SAMD12: variants seen among roughly 807,000 people sequenced by gnomAD.
The protein encoded by SAMD12 is sterile alpha motif domain-containing protein 12.
Under a neutral mutation model 15.0 loss-of-function variants are expected in SAMD12, and 9 were observed. The ratio of observed to expected loss-of-function variants is 0.60; its 90% CI spans 0.36 to 1.05. SAMD12 has a LOEUF of 1.05. Among genes scored for constraint, SAMD12 ranks in the 50% least tolerant of loss-of-function variants. SAMD12 has a pLI of 0.01. For synonymous variants in SAMD12, 86 were observed against 90.1 expected (o/e 0.96, Z 0.25); for missense variants, 230 against 234.2 (o/e 0.98, Z 0.12).
At chr8:118,456,891 T>A (rs1337594805) in intron 2 of SAMD12, among the ~76,000 whole-genome samples, 1 of 152,210 alleles carries the variant, frequency 6.6e-6, no homozygotes, top group Admixed American at 6.5e-5. Context: ...CATCACACAC[T>A]CAGCCTGACT....
At chr8:118,537,835 T>C (rs1009536890) in intron 2 of SAMD12, among the ~76,000 whole-genome samples, 3 of 152,206 alleles carry the variant, frequency 2.0e-5, no homozygotes, top group Admixed American at 6.5e-5. Flanking sequence ...GTTGAGGTAA[T>C]GTTTTCCTGG....
chr8:118,252,459 C>G (rs567934417), intron 4 of SAMD12, among the ~76,000 whole-genome samples: 56 of 151,694 alleles, frequency 3.7e-4, no homozygotes, highest in African/African-American at 1.3e-3. Context: ...GGAGGAGCAC[C>G]TTATCATCTT....
At chr8:118,548,392 C>T (rs1586807627) in intron 2 of SAMD12, among the ~76,000 whole-genome samples, 1 of 127,818 alleles carries the variant, frequency 7.8e-6, no homozygotes, top group Admixed American at 8.0e-5. Context: ...CATACACACA[C>T]ACACACACAC....
At chr8:118,596,384 GATCTGAAAC>G (rs1369098250) in intron 1 of SAMD12, among the ~76,000 whole-genome samples, 2 of 152,298 alleles carry the variant, frequency 1.3e-5, no homozygotes, top group East Asian at 3.9e-4. Flanking sequence ...GCAGAGGCAG[GATCTGAAAC>G]ATCTGAAACA....
rs1294580185 is a variant in SAMD12 at position 118,556,873 on chromosome 8, A to T, written c.192+23842T>A. On this transcript the variant is annotated intron_variant, in intron 2 of 3. Transcript: ENST00000314727. ...CAACTACTTGGGAGGATGAGGCAGG[A>T]GAATCACTTGAGCCTGGGATGCAGA... 3.9e-5 allele frequency among the ~76,000 whole-genome samples: 6 copies of T among 152,088 alleles called. No homozygotes were observed. In the East Asian group the frequency reaches 1.2e-3, roughly 29 times the overall value.
At chr8:118,372,712 T>A (rs1320978536) in intron 4 of SAMD12, among the ~76,000 whole-genome samples, 1 of 152,026 alleles carries the variant, frequency 6.6e-6, no homozygotes, top group Non-Finnish European at 1.5e-5. Context: ...AGCTGGGGGA[T>A]GGATACACAA....
chr8:118,296,111 C>T (rs1056638006), intron 4 of SAMD12, among the ~76,000 whole-genome samples: 2 of 152,190 alleles, frequency 1.3e-5, no homozygotes, highest in African/African-American at 4.8e-5. Context: ...CAAGGAACTA[C>T]ATATGTAGGT....
At chr8:118,511,899 GCTA>G (rs1825098165) in intron 2 of SAMD12, among the ~76,000 whole-genome samples, 1 of 152,154 alleles carries the variant, frequency 6.6e-6, no homozygotes, top group Non-Finnish European at 1.5e-5. Context: ...AACACTTGTT[GCTA>G]CTTTTAGGAT....
At chr8:118,529,279 C>A (rs1016877675) in intron 2 of SAMD12, among the ~76,000 whole-genome samples, 1 of 152,192 alleles carries the variant, frequency 6.6e-6, no homozygotes. Context: ...GGGGAGAAAT[C>A]CACTTGGTGG....
chr8:118,445,865 C>T (rs1185903169), intron 2 of SAMD12, among the ~76,000 whole-genome samples: 1 of 152,074 alleles, frequency 6.6e-6, no homozygotes, highest in South Asian at 2.1e-4. Flanking sequence ...TTAGTTTTTT[C>T]GTCTGTTCTG....
chr8:118,351,140 A>G (rs1040594296), intron 4 of SAMD12, among the ~76,000 whole-genome samples: 15 of 152,210 alleles, frequency 9.9e-5, no homozygotes, highest in African/African-American at 3.1e-4. Context: ...ATTAATGTAA[A>G]AAGATGCTTA....
intron 2 of SAMD12, among the ~76,000 whole-genome samples, chr8:118,542,667 G>T (rs1826018590): frequency 6.6e-6 from 1 of 152,162 alleles, no homozygotes; most frequent in Admixed American, 6.5e-5. Flanking sequence ...TATATAACTA[G>T]ATCCAAGTGA....
chr8:118,265,726 T>C (rs1813180825), intron 4 of SAMD12, among the ~76,000 whole-genome samples: 1 of 151,886 alleles, frequency 6.6e-6, no homozygotes, highest in Non-Finnish European at 1.5e-5. Context: ...GATACTTAAG[T>C]GGTCCATGAA....
chr8:118,492,007 C>T (rs947804780), intron 2 of SAMD12, among the ~76,000 whole-genome samples: 6 of 151,998 alleles, frequency 3.9e-5, no homozygotes, highest in Non-Finnish European at 8.8e-5. Context: ...GTTTGATTTA[C>T]TGTGTGTTTA....
intron 2 of SAMD12, among the ~76,000 whole-genome samples, chr8:118,448,008 G>A (rs930434315): frequency 5.3e-5 from 8 of 152,068 alleles, no homozygotes; most frequent in East Asian, 1.9e-4. Flanking sequence ...GATTACAGGC[G>A]TGAGCCACCG....
chr8:118,533,826 C>G (rs1825758638), intron 2 of SAMD12, among the ~76,000 whole-genome samples: 1 of 151,868 alleles, frequency 6.6e-6, no homozygotes. Context: ...TATTTTGAGC[C>G]TATGCGTGTC....
At chr8:118,375,533 G>A (rs1324527122), downstream of SAMD12, among the ~76,000 whole-genome samples, 2 of 152,052 alleles carry the variant, frequency 1.3e-5, no homozygotes, top group Non-Finnish European at 2.9e-5. Context: ...ATTACTGATA[G>A]CCAACAATAT....
intron 2 of SAMD12, among the ~76,000 whole-genome samples, chr8:118,554,257 A>G (rs2131191860): frequency 6.6e-6 from 1 of 152,322 alleles, no homozygotes; most frequent in South Asian, 2.1e-4. Flanking sequence ...GGCACTATTC[A>G]CAATAGCAAA....
chr8:118,597,756 T>G (rs1827759866), intron 1 of SAMD12, among the ~76,000 whole-genome samples: 1 of 152,234 alleles, frequency 6.6e-6, no homozygotes, highest in East Asian at 1.9e-4. Context: ...ATCATCTCAG[T>G]GAAGACATTT....
Sources: allele counts gnomAD v4.1 joint callset (sites outside exome capture counted in the v4.1 genomes callset), GRCh38; gene constraint gnomAD v4.1.1; transcripts MANE v1.5; gene names NCBI Gene and HGNC (gene_info 2026-07-23, HGNC 2026-07-21).